The following DAP3 variants were observed in gnomAD, a reference collection of about 807,000 sequenced individuals.
DAP3 encodes the protein death associated protein 3.
Under a neutral mutation model 51.9 loss-of-function variants are expected in DAP3, and 28 were observed. The ratio of observed to expected loss-of-function variants is 0.54; its 90% CI spans 0.40 to 0.74. The LOEUF (loss-of-function observed/expected upper bound fraction) is 0.74. Among genes scored for constraint, DAP3 ranks in the 30% least tolerant of loss-of-function variants. The pLI is 0.00. For synonymous variants in DAP3, 170 were observed against 170.3 expected, an observed-to-expected ratio of 1.00 and a Z score of 0.01; for missense variants, 458 against 483.5, an observed-to-expected ratio of 0.95 and a Z score of 0.49.
At chr1:155,689,952 G>A (rs1041804313) in intron 1 of DAP3, among the ~76,000 whole-genome samples, 2 of 151,096 alleles carry the variant, frequency 1.3e-5, no homozygotes, top group African/African-American at 2.5e-5. Flanking sequence ...ATGTAAAGTG[G>A]AATTAGCTCC....
chr1:155,726,080 C>A, intron 6 of DAP3, 61 bp downstream of exon 6: 2 of 1,338,772 alleles, frequency 1.5e-6, no homozygotes, highest in Non-Finnish European at 1.0e-6. Flanking sequence ...ACTGTGGTAG[C>A]CTTGCAGCTT....
intron 2 of DAP3, among the ~76,000 whole-genome samples, chr1:155,713,045 G>T (rs567742625): frequency 6.6e-6 from 1 of 152,242 alleles, no homozygotes; most frequent in Non-Finnish European, 1.5e-5. Context: ...TGTTTTTGCT[G>T]TTCCTGTCTT....
intron 1 of DAP3, among the ~76,000 whole-genome samples, chr1:155,690,213 A>G (rs745591133): frequency 1.4e-5 from 2 of 141,778 alleles, no homozygotes; most frequent in Non-Finnish European, 2.9e-5. Context: ...TAAAGAAAGG[A>G]AAAGATCTCC....
At chr1:155,735,166 A>G (rs886743937) in intron 11 of DAP3, among the ~76,000 whole-genome samples, 9 of 151,616 alleles carry the variant, frequency 5.9e-5, no homozygotes, top group African/African-American at 1.7e-4. Flanking sequence ...CTATAGTCCC[A>G]GATACTCCGA....
chr1:155,697,582 C>T (rs1047104536), intron 1 of DAP3, among the ~76,000 whole-genome samples: 4 of 151,740 alleles, frequency 2.6e-5, no homozygotes, highest in Admixed American at 6.6e-5. Flanking sequence ...GAGGGGTGTA[C>T]GAATAGGGAG....
chr1:155,688,632 G>T, upstream of DAP3: 6 of 1,534,454 alleles, frequency 3.9e-6, no homozygotes, highest in Non-Finnish European at 3.5e-6. Flanking sequence ...CTGTCAAGCC[G>T]GCTCCAGCGC....
chr1:155,692,813 G>A lies in DAP3; in HGVS notation c.-8+3639G>A, dbSNP rs1023726828. ...AATCGATGCTCTAAGCTTATTATAC[G>A]ATCTCTCATCCAAATAACAGTCTGT... On this transcript the variant is annotated intron_variant, in intron 1 of 12. Coordinates refer to ENST00000368336, the MANE Select transcript of DAP3 (RefSeq NM_004632.4). 4.2e-5 allele frequency among the ~76,000 whole-genome samples: 6 copies of A among 141,862 alleles called. 1 individual carries two copies. The highest frequency in any genetic ancestry group is 9.6e-5 in the African/African-American group (3 of 31,394). 93.1% of individuals were successfully genotyped at this position (141,862 alleles called of 152,430 possible).
At position 155,690,170 on chromosome 1, in the gene DAP3, T is replaced by A. The variant is rs114425448; in HGVS notation, c.-8+996T>A. 4.4e-3 allele frequency among the ~76,000 whole-genome samples: 625 copies of A among 141,638 alleles called. 176 individuals are homozygous for A. The highest frequency in any genetic ancestry group is 0.019 in the African/African-American group (595 of 31,150). 92.9% of individuals were successfully genotyped at this position (141,638 alleles called of 152,430 possible). On this transcript the variant is annotated intron_variant, in intron 1 of 12. Coordinates refer to ENST00000368336, the MANE Select transcript of DAP3 (RefSeq NM_004632.4). ...TTTCAAATTTATGCCTTTTACAAAA[T>A]TTTTAAAGAGTAGGTAATGTCGGTG...
At chr1:155,700,085 C>T (rs551098710) in intron 1 of DAP3, among the ~76,000 whole-genome samples, 3 of 152,260 alleles carry the variant, frequency 2.0e-5, no homozygotes, top group South Asian at 4.1e-4. Context: ...TATAGGCGTG[C>T]ACCACCACGC....
chr1:155,711,629 G>A (rs924393863), intron 2 of DAP3, among the ~76,000 whole-genome samples: 2 of 151,474 alleles, frequency 1.3e-5, no homozygotes, highest in African/African-American at 4.9e-5. Context: ...GTATTAGTCA[G>A]GGTTCTCTAC....
intron 4 of DAP3, 42 bp downstream of exon 4, chr1:155,721,660 C>A (rs750031258): frequency 9.4e-6 from 15 of 1,590,802 alleles, no homozygotes; most frequent in Non-Finnish European, 1.2e-5. Context: ...GCCCAGAATA[C>A]AAGCTGCTGC....
At chr1:155,728,703 T>TA (rs1162318579) in intron 7 of DAP3, among the ~76,000 whole-genome samples, 2 of 151,856 alleles carry the variant, frequency 1.3e-5, no homozygotes, top group Non-Finnish European at 2.9e-5. Context: ...CTACTAAAAA[T>TA]ACAAAAATTA....
chr1:155,729,131 A>C lies in DAP3; in HGVS notation c.684+9A>C, dbSNP rs1351492482. The C allele has an allele frequency of 1.2e-6, 2 of 1,614,086 alleles. No homozygotes were observed. Among genetic ancestry groups the C allele is most frequent in the African/African-American group, 2.7e-5 (2 of 74,936 alleles). On this transcript the variant is annotated intron_variant, in intron 8 of 12. Coordinates refer to ENST00000368336, the MANE Select transcript of DAP3 (RefSeq NM_004632.4). ...GAGAAGTGGTTGAACAGGTATAAGA[A>C]AAAACACTGAATGTGTAACATGCGA...
chr1:155,718,485 C>A (rs1345673463), intron 3 of DAP3, among the ~76,000 whole-genome samples: 1 of 151,862 alleles, frequency 6.6e-6, no homozygotes, highest in Non-Finnish European at 1.5e-5. Context: ...GAGACTGAGA[C>A]CATCCTGGCT....
chr1:155,688,713 CT>C, upstream of DAP3: 2 of 1,520,910 alleles, frequency 1.3e-6, no homozygotes. Flanking sequence ...CTCCCCCTCC[CT>C]CCCCGCCCGC....
At chr1:155,720,423 A>C (rs1053281374) in intron 3 of DAP3, among the ~76,000 whole-genome samples, 4 of 150,292 alleles carry the variant, frequency 2.7e-5, no homozygotes, top group Non-Finnish European at 5.9e-5. Context: ...CAGGTGGATC[A>C]CTTGAGGTCG....
Position 155,738,614 on chromosome 1 carries a change from A to G in DAP3, c.*372A>G, listed in dbSNP as rs1032396393. On this transcript the variant is annotated 3_prime_UTR_variant, in exon 13 of 13. Transcript: ENST00000368336. The stretch of plus-strand genomic sequence containing the variant: ...TGATATTCCTCTTGTTGCAGGTCAG[A>G]AGAGATCAATTCTACAGAAATTTCC... The G allele has an allele frequency of 5.3e-5, 9 of 171,244 alleles. No individual in the cohort carries two copies. The highest frequency in any genetic ancestry group is 1.8e-4 in the Admixed American group (3 of 16,596). 10.6% of individuals were successfully genotyped at this position (171,244 alleles called of 1,614,324 possible).
At chr1:155,732,096 T>A in intron 11 of DAP3, 63 bp downstream of exon 11, 1 of 1,378,562 alleles carries the variant, frequency 7.3e-7, no homozygotes, top group Non-Finnish European at 9.9e-7. Flanking sequence ...AAAATATTTT[T>A]ATTAATCTAT....
At chr1:155,720,226 G>A (rs1245669915) in intron 3 of DAP3, among the ~76,000 whole-genome samples, 6 of 149,656 alleles carry the variant, frequency 4.0e-5, no homozygotes, top group Non-Finnish European at 7.4e-5. Context: ...TTGTGAGGCT[G>A]AGGCGGGAGG....
Sources: gnomAD v4.1 joint callset for allele counts (sites outside exome capture counted in the v4.1 genomes callset) on GRCh38, gnomAD v4.1.1 for gene constraint, MANE v1.5 for transcripts, NCBI Gene and HGNC (gene_info 2026-07-23, HGNC 2026-07-21) for gene names.